The following GALNTL6 variants were observed in gnomAD, a reference collection of about 807,000 sequenced individuals.
GALNTL6 encodes the protein polypeptide N-acetylgalactosaminyltransferase like 6, also known as polypeptide N-acetylgalactosaminyltransferase-like 6.
A neutral mutation model predicts 73.7 loss-of-function variants in GALNTL6; 46 were observed. The observed-to-expected ratio is 0.62, with a 90% CI of 0.49 to 0.80. The LOEUF is 0.80. GALNTL6 is among the 30% of genes least tolerant of loss of function. The pLI, the probability that GALNTL6 is intolerant of heterozygous loss-of-function variation, is 0.00. For synonymous variants in GALNTL6, 259 were observed against 263.7 expected (o/e 0.98, Z 0.17); for missense variants, 604 against 755.0 (o/e 0.80, Z 2.34).
At chr4:172,834,921 T>G (rs1300439253) in intron 7 of GALNTL6, among the ~76,000 whole-genome samples, 1 of 152,228 alleles carries the variant, frequency 6.6e-6, no homozygotes, top group African/African-American at 2.4e-5. Context: ...AAGAGAAACT[T>G]TAAACTGGGG....
At chr4:172,641,398 C>T (rs930371764) in intron 5 of GALNTL6, among the ~76,000 whole-genome samples, 1 of 152,058 alleles carries the variant, frequency 6.6e-6, no homozygotes, top group Non-Finnish European at 1.5e-5. Context: ...CCCCTTAACG[C>T]TCTGACCTAC....
intron 2 of GALNTL6, among the ~76,000 whole-genome samples, chr4:172,089,224 C>T (rs1373145517): frequency 6.6e-6 from 1 of 151,854 alleles, no homozygotes; most frequent in East Asian, 1.9e-4. Flanking sequence ...AGAGGCATTT[C>T]TATGGAAACA....
chr4:172,370,630 CAA>C (rs71592072), intron 5 of GALNTL6, among the ~76,000 whole-genome samples: 7 of 59,814 alleles, frequency 1.2e-4, no homozygotes, highest in East Asian at 5.0e-4. Context: ...GACTCCATCT[CAA>C]AAAAAAAAAA....
At chr4:172,149,134 G>T (rs1362529448) in intron 2 of GALNTL6, among the ~76,000 whole-genome samples, 1 of 152,170 alleles carries the variant, frequency 6.6e-6, no homozygotes, top group East Asian at 1.9e-4. Context: ...GATTCAAATA[G>T]AAACTGTTTA....
At chr4:172,582,631 A>G (rs755302625) in intron 5 of GALNTL6, among the ~76,000 whole-genome samples, 21 of 152,192 alleles carry the variant, frequency 1.4e-4, no homozygotes, top group Non-Finnish European at 3.1e-4. Context: ...CATTATGTAA[A>G]GATTTACTAC....
At chr4:172,141,593 T>C (rs768193643) in intron 2 of GALNTL6, among the ~76,000 whole-genome samples, 3 of 151,926 alleles carry the variant, frequency 2.0e-5, no homozygotes, top group Non-Finnish European at 4.4e-5. Flanking sequence ...TTTAATATTT[T>C]AAACTCGTCA....
intron 5 of GALNTL6, among the ~76,000 whole-genome samples, chr4:172,638,150 C>A (rs1047283723): frequency 1.2e-4 from 18 of 152,232 alleles, no homozygotes; most frequent in African/African-American, 4.1e-4. Context: ...CACATGCACA[C>A]AAATCACATC....
intron 4 of GALNTL6, among the ~76,000 whole-genome samples, chr4:172,338,476 T>C: frequency 6.6e-6 from 1 of 152,274 alleles, no homozygotes; most frequent in African/African-American, 2.4e-5. Context: ...TCTTTCCCTC[T>C]ACCCCCTTCC....
In GALNTL6 at chr4:172,916,706, T is replaced by C. The variant is rs538664327; in HGVS notation, c.1042-14455T>C. ...AACTTACAAGGGATGTGAAGAACCG[T>C]TTCAAGGAGAACTACAAACCACTGC... is the stretch of plus-strand genomic sequence containing the variant. On this transcript the variant is annotated intron_variant, in intron 8 of 12. Coordinates refer to ENST00000506823, the MANE Select transcript of GALNTL6 (RefSeq NM_001034845.3). 2.6e-5 allele frequency among the ~76,000 whole-genome samples: 4 copies of C among 152,042 alleles called. 1 individual carries two copies. The South Asian group carries it at 8.3e-4, about 32-fold the overall frequency.
chr4:172,676,270 G>A (rs1270078132), intron 5 of GALNTL6, among the ~76,000 whole-genome samples: 2 of 152,172 alleles, frequency 1.3e-5, no homozygotes, highest in East Asian at 1.9e-4. Flanking sequence ...AAGGGACACG[G>A]TCAACTTTAA....
chr4:173,035,659 CAT>C (rs928751571), intron 12 of GALNTL6, among the ~76,000 whole-genome samples: 17 of 152,320 alleles, frequency 1.1e-4, no homozygotes, highest in African/African-American at 4.1e-4. Flanking sequence ...GACCTAAACA[CAT>C]AGATCAGATA....
At chr4:172,084,791 G>A (rs976075126) in intron 2 of GALNTL6, among the ~76,000 whole-genome samples, 1 of 152,094 alleles carries the variant, frequency 6.6e-6, no homozygotes, top group African/African-American at 2.4e-5. Context: ...ATATACAGGT[G>A]ATGATTATCA....
chr4:172,017,891 C>A (rs1164543423), intron 2 of GALNTL6, among the ~76,000 whole-genome samples: 1 of 151,514 alleles, frequency 6.6e-6, no homozygotes, highest in East Asian at 1.9e-4. Flanking sequence ...GATACAGGCA[C>A]CTGCTCTGCT....
intron 5 of GALNTL6, among the ~76,000 whole-genome samples, chr4:172,436,104 G>A (rs932739438): frequency 1.3e-5 from 2 of 152,036 alleles, no homozygotes; most frequent in African/African-American, 2.4e-5. Flanking sequence ...ATCCAGGGAC[G>A]TACATGACAA....
chr4:172,281,601 C>T (rs182172625), intron 3 of GALNTL6, among the ~76,000 whole-genome samples: 2 of 152,200 alleles, frequency 1.3e-5, no homozygotes, highest in East Asian at 1.9e-4. Flanking sequence ...ATCCCAGCTA[C>T]TTGGGAGACT....
intron 5 of GALNTL6, among the ~76,000 whole-genome samples, chr4:172,449,810 A>G (rs1732147059): frequency 6.6e-6 from 1 of 152,218 alleles, no homozygotes; most frequent in Non-Finnish European, 1.5e-5. Flanking sequence ...TCTTTCACCC[A>G]GAATATTCTC....
intron 2 of GALNTL6, among the ~76,000 whole-genome samples, chr4:171,988,350 G>A (rs900814258): frequency 3.9e-5 from 6 of 152,202 alleles, no homozygotes; most frequent in African/African-American, 1.4e-4. Flanking sequence ...AACAGATGTG[G>A]ATGAAATTTG....
intron 2 of GALNTL6, among the ~76,000 whole-genome samples, chr4:171,988,527 G>C (rs1005823583): frequency 4.5e-4 from 69 of 152,156 alleles, no homozygotes; most frequent in African/African-American, 1.6e-3. Context: ...ATCTAGAACA[G>C]AATAGTGGAT....
chr4:172,650,357 G>T (rs1418290588), intron 5 of GALNTL6, among the ~76,000 whole-genome samples: 3 of 152,096 alleles, frequency 2.0e-5, no homozygotes, highest in Non-Finnish European at 4.4e-5. Context: ...ATAGATAAAA[G>T]TCGCAATGTC....
Sources: allele counts gnomAD v4.1 joint callset (sites outside exome capture counted in the v4.1 genomes callset), GRCh38; gene constraint gnomAD v4.1.1; transcripts MANE v1.5; gene names NCBI Gene and HGNC (gene_info 2026-07-23, HGNC 2026-07-21).